Variants in KIF13A observed in about 807,000 individuals in gnomAD.
The protein encoded by KIF13A is kinesin family member 13A, also known as kinesin-like protein KIF13A.
Under a neutral mutation model 212.2 loss-of-function variants are expected in KIF13A, and 79 were observed. That is an observed-to-expected ratio of 0.37 (90% CI 0.31 to 0.45). The LOEUF (loss-of-function observed/expected upper bound fraction) is 0.45, where lower values mean the gene tolerates loss of function less well. Among genes scored for constraint, KIF13A ranks in the 20% least tolerant of loss-of-function variants. The probability of loss-of-function intolerance (pLI) is 1.00; values close to 1 mark genes in which losing one functional copy is unlikely to be tolerated. For synonymous variants in KIF13A, 789 were observed against 808.6 expected, an observed-to-expected ratio of 0.98 and a Z score of 0.41; for missense variants, 1,901 against 2,209.0, an observed-to-expected ratio of 0.86 and a Z score of 2.79.
chr6:17,844,245 G>A (rs1461812582), intron 9 of KIF13A, among the ~76,000 whole-genome samples: 2 of 152,154 alleles, frequency 1.3e-5, no homozygotes, highest in Non-Finnish European at 2.9e-5. Context: ...AATGGTAATA[G>A]CTACAGTATC....
chr6:17,775,086 C>A, intron 34 of KIF13A, 24 bp from the exon 35 acceptor site: 1 of 1,596,764 alleles, frequency 6.3e-7, no homozygotes, highest in African/African-American at 1.3e-5. Flanking sequence ...ATGGTTTTAG[C>A]AATGTGGTTT....
At chr6:17,891,536 T>C (rs183322745) in intron 3 of KIF13A, among the ~76,000 whole-genome samples, 7 of 152,306 alleles carry the variant, frequency 4.6e-5, no homozygotes, top group Admixed American at 1.3e-4. Context: ...GGAAGGAGGA[T>C]AGCTTGAAGC....
In KIF13A at chr6:17,915,782, CA is replaced by C. The variant is rs2150511518; in HGVS notation, c.147-17603del. On this transcript the variant is annotated intron_variant, in intron 2 of 38. Transcript: ENST00000259711. This position sits in a 1 kb window ranked among gnomAD's most constrained non-coding sequence, Gnocchi z 4.4. ...CTTGAGACCAGCCTGGGCAACATGA[CA>C]AAACACCGTCTCTACTAAAAAGACA... 6.6e-6 allele frequency among the ~76,000 whole-genome samples: 1 copy of C among 151,892 alleles called. No individual in the cohort carries two copies. The highest frequency in any genetic ancestry group is 2.4e-5 in the African/African-American group (1 of 41,418).
intron 2 of KIF13A, among the ~76,000 whole-genome samples, chr6:17,901,606 C>T (rs925585625): frequency 1.3e-5 from 2 of 152,148 alleles, no homozygotes; most frequent in African/African-American, 4.8e-5. Context: ...AATTTATTTG[C>T]TTGCCTTCTG....
At chr6:17,836,835 A>C in intron 11 of KIF13A, 43 bp downstream of exon 11, 1 of 1,576,206 alleles carries the variant, frequency 6.3e-7, no homozygotes, top group South Asian at 1.1e-5. Context: ...AAATCCCGCA[A>C]GCCAGGGAAC....
Position 17,794,416 on chromosome 6 carries a change from T to C in KIF13A, c.3076-21A>G. Reference sequence around the variant, plus strand: ...TGACCCTGAAGAGGGTGGGGAGGAGTATGGGTGCCAGGAATGATAATGAAA... The same window carrying C: ...TGACCCTGAAGAGGGTGGGGAGGAGCATGGGTGCCAGGAATGATAATGAAA... On this transcript the variant is annotated intron_variant, in intron 24 of 38. Transcript: ENST00000259711. This position sits in a 1 kb window ranked among gnomAD's most constrained non-coding sequence, Gnocchi z 4.1. 1 of 1,598,958 alleles carries C rather than the reference T, an allele frequency of 6.3e-7. No individual in the cohort carries two copies. The highest frequency in any genetic ancestry group is 8.6e-7 in the Non-Finnish European group (1 of 1,169,564).
rs1041860396 is a variant in KIF13A at position 17,892,522 on chromosome 6, C to T, written c.159+5646G>A. Among the ~76,000 whole-genome samples, 1 of 152,172 alleles carries T rather than the reference C, an allele frequency of 6.6e-6. No homozygotes were observed. The highest frequency in any genetic ancestry group is 1.5e-5 in the Non-Finnish European group (1 of 68,040). On this transcript the variant is annotated intron_variant, in intron 3 of 38. Coordinates refer to ENST00000259711, the MANE Select transcript of KIF13A (RefSeq NM_022113.6). The surrounding 1 kb of genome is among the most constrained non-coding windows in gnomAD (Gnocchi z 4.7). Reference sequence around the variant, plus strand: ...CAGTGATAAGAGTGTCTTTTGTATGCTAATGAGATGACTGGTGGCTGGGGT... The same window carrying T: ...CAGTGATAAGAGTGTCTTTTGTATGTTAATGAGATGACTGGTGGCTGGGGT...
chr6:17,967,815 A>G lies in KIF13A; in HGVS notation c.146+19239T>C, dbSNP rs911244285. Reference sequence around the variant, plus strand: ...CCGCTGATGTTTGACAATCACTGTGAGATGCATCACAAGTAACTTGTTAAT... The same window carrying G: ...CCGCTGATGTTTGACAATCACTGTGGGATGCATCACAAGTAACTTGTTAAT... On this transcript the variant is annotated intron_variant, in intron 2 of 38. Coordinates refer to ENST00000259711, the MANE Select transcript of KIF13A (RefSeq NM_022113.6). This position sits in a 1 kb window ranked among gnomAD's most constrained non-coding sequence, Gnocchi z 4.1. Among the ~76,000 whole-genome samples, 5 of 152,212 alleles carry G rather than the reference A, an allele frequency of 3.3e-5. No individual in the cohort carries two copies. The highest frequency in any genetic ancestry group is 5.9e-5 in the Non-Finnish European group (4 of 68,044).
chr6:17,913,233 G>A (rs1330982824), intron 2 of KIF13A, among the ~76,000 whole-genome samples: 8 of 152,088 alleles, frequency 5.3e-5, no homozygotes, highest in Admixed American at 3.9e-4. Flanking sequence ...GGAGCAGGGA[G>A]CTGGAATGTA....
In KIF13A at chr6:17,856,146, A is replaced by G. The variant is rs751669755; in HGVS notation, c.221-24T>C. 1 of 1,416,840 alleles carries G rather than the reference A, an allele frequency of 7.1e-7. No homozygotes were observed. The highest frequency in any genetic ancestry group is 9.9e-7 in the Non-Finnish European group (1 of 1,013,276). 87.8% of individuals were successfully genotyped at this position (1,416,840 alleles called of 1,614,324 possible). On this transcript the variant is annotated intron_variant, in intron 4 of 38. Transcript: ENST00000259711. This position sits in a 1 kb window ranked among gnomAD's most constrained non-coding sequence, Gnocchi z 4.5. ...ACCTAAAAAACAAGACAAATATTAA[A>G]AACTAATAAAAAGAATAATTTTTCT...
rs774070480 is a variant in KIF13A at position 17,826,026 on chromosome 6, C to CAAA, written c.1619+9_1619+11dup. On this transcript the variant is annotated intron_variant, in intron 15 of 38. Coordinates refer to ENST00000259711, the MANE Select transcript of KIF13A (RefSeq NM_022113.6). This position sits in a 1 kb window ranked among gnomAD's most constrained non-coding sequence, Gnocchi z 4.7. The stretch of plus-strand genomic sequence containing the variant: ...GTATACGAAAATATATTACAGAACA[C>CAAA]AAAGATGTTACCTAAAAAAGTGATT... The CAAA allele has an allele frequency of 3.0e-5, 49 of 1,613,066 alleles. No homozygotes were observed. The highest frequency in any genetic ancestry group is 1.7e-4 in the Admixed American group (10 of 59,990).
Position 17,968,740 on chromosome 6 carries a change from G to C in KIF13A, c.146+18314C>G, listed in dbSNP as rs1016142360. On this transcript the variant is annotated intron_variant, in intron 2 of 38. Coordinates refer to ENST00000259711, the MANE Select transcript of KIF13A (RefSeq NM_022113.6). This position sits in a 1 kb window ranked among gnomAD's most constrained non-coding sequence, Gnocchi z 4.7. ...GCCAAAGGCAGTAGCAGCCAAAGCT[G>C]TAAGGGTCCAGAGCTACATTTGTAC... is the stretch of plus-strand genomic sequence containing the variant. 5.9e-5 allele frequency among the ~76,000 whole-genome samples: 9 copies of C among 152,310 alleles called. No homozygotes were observed. The highest frequency in any genetic ancestry group is 2.2e-4 in the African/African-American group (9 of 41,572).
At position 17,871,261 on chromosome 6, in the gene KIF13A, C is replaced by T. The variant is rs1469816970; in HGVS notation, c.220+2116G>A. Reference sequence around the variant, plus strand: ...ATGTGTTGTCTCAAATACTTATCTCCTCTATGTTCCATCTGCTCTCTGGTG... The same window carrying T: ...ATGTGTTGTCTCAAATACTTATCTCTTCTATGTTCCATCTGCTCTCTGGTG... On this transcript the variant is annotated intron_variant, in intron 4 of 38. Transcript: ENST00000259711. The surrounding 1 kb of genome is among the most constrained non-coding windows in gnomAD (Gnocchi z 4.4). Among the ~76,000 whole-genome samples, 3 of 152,130 alleles carry T rather than the reference C, an allele frequency of 2.0e-5. No homozygotes were observed. The highest frequency in any genetic ancestry group is 2.0e-4 in the Admixed American group (3 of 15,272).
At chr6:17,985,367 A>G (rs1781453311) in intron 2 of KIF13A, among the ~76,000 whole-genome samples, 1 of 152,166 alleles carries the variant, frequency 6.6e-6, no homozygotes, top group South Asian at 2.1e-4. Flanking sequence ...AGCATTTGGA[A>G]CCAACTGTCC....
At chr6:17,860,517 CT>C (rs1363054215) in intron 4 of KIF13A, among the ~76,000 whole-genome samples, 3 of 152,028 alleles carry the variant, frequency 2.0e-5, no homozygotes, top group African/African-American at 7.2e-5. Flanking sequence ...TTCACCTTTA[CT>C]GCCAGATTGT....
At chr6:17,766,864 C>T (rs1237632452) in intron 38 of KIF13A, among the ~76,000 whole-genome samples, 2 of 152,164 alleles carry the variant, frequency 1.3e-5, no homozygotes, top group African/African-American at 4.8e-5. Flanking sequence ...ATTCTATATA[C>T]CTCAAAAAAA....
In KIF13A at chr6:17,866,828, C is replaced by CAT. The variant is rs60217235; in HGVS notation, c.220+6547_220+6548dup. Among the ~76,000 whole-genome samples the CAT allele has an allele frequency of 7.9e-3, 180 of 22,810 alleles. 1 individual carries two copies. Among genetic ancestry groups the CAT allele is most frequent in the Non-Finnish European group, 8.8e-3 (98 of 11,180 alleles). The allele number at this position is 22,810 out of a possible 152,430, so 15.0% of individuals were successfully genotyped here. On this transcript the variant is annotated intron_variant, in intron 4 of 38. Coordinates refer to ENST00000259711, the MANE Select transcript of KIF13A (RefSeq NM_022113.6). ...TAAAGGGGAGAACAAAAAAGCAGCGCATATATATATATATATATATATATA... is the reference window on the plus strand; with the variant it reads ...TAAAGGGGAGAACAAAAAAGCAGCGCATATATATATATATATATATATATATA...
intron 2 of KIF13A, chr6:17,953,905 AGGAT>A (rs2150575219): frequency 1.0e-5 from 2 of 196,808 alleles, no homozygotes; most frequent in African/African-American, 4.6e-5. Context: ...TCTCAGGTCA[AGGAT>A]GTCACTGAAG....
At chr6:17,928,570 G>A (rs1775697762) in intron 2 of KIF13A, among the ~76,000 whole-genome samples, 1 of 152,184 alleles carries the variant, frequency 6.6e-6, no homozygotes, top group Non-Finnish European at 1.5e-5. Context: ...ACTTTATTCT[G>A]CTGTATCTAT....
Sources: gnomAD v4.1 joint callset for allele counts (sites outside exome capture counted in the v4.1 genomes callset) on GRCh38, gnomAD v4.1.1 for gene constraint, Gnocchi (gnomAD v3.1) non-coding constraint, MANE v1.5 for transcripts, NCBI Gene and HGNC (gene_info 2026-07-23, HGNC 2026-07-21) for gene names.